CMTM8: variants seen among roughly 807,000 people sequenced by gnomAD.
CMTM8 encodes the protein CKLF like MARVEL transmembrane domain containing 8.
Under a neutral mutation model 18.6 loss-of-function variants are expected in CMTM8, and 12 were observed. The observed-to-expected ratio is 0.65, with a 90% CI of 0.41 to 1.05. The LOEUF (loss-of-function observed/expected upper bound fraction) is 1.05. CMTM8 is among the 50% of genes least tolerant of loss of function. CMTM8 has a pLI of 0.00. For missense variants in CMTM8, 217 were observed against 227.2 expected (o/e 0.95, Z 0.29); for synonymous variants, 87 against 90.6 (o/e 0.96, Z 0.23).
At position 32,243,104 on chromosome 3, in the gene CMTM8, G is replaced by GCTGGT. The variant is rs546499032; in HGVS notation, c.147+3988_147+3992dup. Among the ~76,000 whole-genome samples the GCTGGT allele has an allele frequency of 7.2e-4, 109 of 152,038 alleles. 1 individual carries two copies. Among genetic ancestry groups the GCTGGT allele is most frequent in the Admixed American group, 6.1e-3 (94 of 15,290 alleles). On this transcript the variant is annotated intron_variant, in intron 1 of 3. Transcript: ENST00000307526. ...GACAGGGTTTCGCCATGTTGGCTGGGCTGGTCTCGAATTCCTGACCTCAAG... is the reference window on the plus strand; with the variant it reads ...GACAGGGTTTCGCCATGTTGGCTGGGCTGGTCTGGTCTCGAATTCCTGACCTCAAG...
At chr3:32,284,430 A>G (rs1490832108) in intron 1 of CMTM8, among the ~76,000 whole-genome samples, 1 of 152,238 alleles carries the variant, frequency 6.6e-6, no homozygotes, top group Non-Finnish European at 1.5e-5. Context: ...CCCAGTGCCC[A>G]GGGAAGCGGA....
intron 2 of CMTM8, among the ~76,000 whole-genome samples, chr3:32,362,978 C>T (rs1696965292): frequency 6.6e-6 from 1 of 152,186 alleles, no homozygotes; most frequent in Non-Finnish European, 1.5e-5. Context: ...AAATGACTGC[C>T]TCTGGCCTCT....
Position 32,301,874 on chromosome 3 carries a change from C to G in CMTM8, c.148-55499C>G, listed in dbSNP as rs187524642. 1.7e-3 allele frequency among the ~76,000 whole-genome samples: 257 copies of G among 152,206 alleles called. 3 individuals carry two copies. The highest frequency in any genetic ancestry group is 1.4e-3 in the Admixed American group (22 of 15,278). On this transcript the variant is annotated intron_variant, in intron 1 of 3. Transcript: ENST00000307526. ...ACCAGCCATGTGACATTGGGTAAAT[C>G]ACAGTACTTTTGTTTTTGCATATGT... is the stretch of plus-strand genomic sequence containing the variant.
intron 1 of CMTM8, among the ~76,000 whole-genome samples, chr3:32,298,943 ATATATATATATATT>A (rs1695550507): frequency 1.5e-5 from 2 of 130,974 alleles, no homozygotes; most frequent in African/African-American, 5.7e-5. Context: ...ATATATATGT[ATATATATATATATT>A]TTTTTTTTTT....
intron 1 of CMTM8, among the ~76,000 whole-genome samples, chr3:32,343,646 A>G (rs545317486): frequency 6.6e-6 from 1 of 152,250 alleles, no homozygotes; most frequent in Non-Finnish European, 1.5e-5. Flanking sequence ...GGCAGAGACC[A>G]TGTCTTTTTT....
intron 1 of CMTM8, among the ~76,000 whole-genome samples, chr3:32,314,093 C>T (rs182408580): frequency 1.4e-4 from 21 of 152,262 alleles, no homozygotes; most frequent in Admixed American, 1.3e-3. Flanking sequence ...GAGGGTTCTA[C>T]AGGATCTATT....
chr3:32,311,080 C>G (rs772515723), intron 1 of CMTM8, among the ~76,000 whole-genome samples: 8 of 152,144 alleles, frequency 5.3e-5, no homozygotes, highest in Non-Finnish European at 1.2e-4. Flanking sequence ...GAATCAGAAG[C>G]CAGACACAAA....
chr3:32,291,874 T>C (rs988570133), intron 1 of CMTM8, among the ~76,000 whole-genome samples: 1 of 152,232 alleles, frequency 6.6e-6, no homozygotes, highest in African/African-American at 2.4e-5. Flanking sequence ...GGGAGTCCTT[T>C]CCTGCCACTC....
intron 1 of CMTM8, among the ~76,000 whole-genome samples, chr3:32,280,667 C>T (rs1702593169): frequency 6.6e-6 from 1 of 151,808 alleles, no homozygotes; most frequent in Non-Finnish European, 1.5e-5. Context: ...TGTGTTTTGT[C>T]CAATTCTTTG....
At chr3:32,316,920 A>C (rs1031792413) in intron 1 of CMTM8, among the ~76,000 whole-genome samples, 5 of 152,250 alleles carry the variant, frequency 3.3e-5, no homozygotes, top group African/African-American at 1.2e-4. Context: ...TTTTGCATAT[A>C]ATTTACTCCT....
At chr3:32,294,055 C>G (rs1444697119) in intron 1 of CMTM8, among the ~76,000 whole-genome samples, 1 of 152,166 alleles carries the variant, frequency 6.6e-6, no homozygotes, top group African/African-American at 2.4e-5. Context: ...CTTTGGTACT[C>G]TTATCAGCAG....
chr3:32,272,524 A>T (rs1018574138), intron 1 of CMTM8, among the ~76,000 whole-genome samples: 1 of 152,120 alleles, frequency 6.6e-6, no homozygotes, highest in Non-Finnish European at 1.5e-5. Context: ...CCTGGGCTGC[A>T]TTTTAGTTAT....
intron 1 of CMTM8, among the ~76,000 whole-genome samples, chr3:32,311,619 A>G (rs890294667): frequency 2.6e-5 from 4 of 152,190 alleles, no homozygotes; most frequent in African/African-American, 4.8e-5. Flanking sequence ...CCTCTTTGCC[A>G]TGTGAAACTC....
At chr3:32,363,342 T>C (rs1356652043) in intron 2 of CMTM8, among the ~76,000 whole-genome samples, 2 of 152,204 alleles carry the variant, frequency 1.3e-5, no homozygotes, top group Non-Finnish European at 2.9e-5. Context: ...CACATCTAGA[T>C]TCCTAGTCAG....
intron 1 of CMTM8, among the ~76,000 whole-genome samples, chr3:32,302,188 G>C (rs1013464632): frequency 2.7e-5 from 4 of 150,588 alleles, no homozygotes; most frequent in African/African-American, 9.7e-5. Context: ...TAACTACTTG[G>C]AGGTGGGGGC....
At chr3:32,319,141 C>CA (rs1475638598) in intron 1 of CMTM8, among the ~76,000 whole-genome samples, 1 of 132,556 alleles carries the variant, frequency 7.5e-6, no homozygotes, top group Non-Finnish European at 1.5e-5. Context: ...TGCAATGGCA[C>CA]AATCTCAGCT....
At chr3:32,287,327 A>C (rs1702705290) in intron 1 of CMTM8, among the ~76,000 whole-genome samples, 2 of 152,204 alleles carry the variant, frequency 1.3e-5, no homozygotes, top group African/African-American at 4.8e-5. Context: ...CATAAGAATT[A>C]AAATGTTACA....
At chr3:32,357,717 T>A (rs546631860) in intron 2 of CMTM8, among the ~76,000 whole-genome samples, 171 bp downstream of exon 2, 27 of 152,360 alleles carry the variant, frequency 1.8e-4, no homozygotes, top group African/African-American at 5.3e-4. Context: ...TCAAGTGGCT[T>A]ACACCTGGGT....
chr3:32,354,008 C>A (rs1696763562), intron 1 of CMTM8, among the ~76,000 whole-genome samples: 1 of 151,972 alleles, frequency 6.6e-6, no homozygotes, highest in South Asian at 2.1e-4. Flanking sequence ...TGGTCTTGAT[C>A]TCTTGACCTC....
Sources: allele counts gnomAD v4.1 joint callset (sites outside exome capture counted in the v4.1 genomes callset), GRCh38; gene constraint gnomAD v4.1.1; transcripts MANE v1.5; gene names NCBI Gene and HGNC (gene_info 2026-07-23, HGNC 2026-07-21).